Variants in AGPS observed in about 807,000 individuals in gnomAD.
AGPS encodes the protein alkyldihydroxyacetonephosphate synthase, peroxisomal.
AGPS carries 26 observed loss-of-function variants against 90.7 expected under a neutral mutation model. That is an observed-to-expected ratio of 0.29 (90% CI 0.21 to 0.40). AGPS has a LOEUF of 0.40. Ranked by LOEUF, AGPS falls within the 10% of genes least tolerant of loss-of-function variation. The pLI, the probability that AGPS is intolerant of heterozygous loss-of-function variation, is 1.00. For synonymous variants in AGPS, 294 were observed against 285.3 expected (o/e 1.03, Z -0.31); for missense variants, 540 against 816.1 (o/e 0.66, Z 4.12).
chr2:177,533,722 G>A (rs2079159414), intron 19 of AGPS, among the ~76,000 whole-genome samples: 1 of 152,110 alleles, frequency 6.6e-6, no homozygotes, highest in African/African-American at 2.4e-5. Flanking sequence ...GGAAGAGGTT[G>A]GTTGTCCCCT....
chr2:177,535,581 A>G (rs892223876), intron 19 of AGPS, among the ~76,000 whole-genome samples: 7 of 152,162 alleles, frequency 4.6e-5, no homozygotes, highest in Non-Finnish European at 1.0e-4. Context: ...TTGTTGTTTT[A>G]TTGATCCATG....
At chr2:177,494,133 C>G (rs1382813477) in intron 12 of AGPS, among the ~76,000 whole-genome samples, 1 of 152,126 alleles carries the variant, frequency 6.6e-6, no homozygotes, top group African/African-American at 2.4e-5. Context: ...TTCCTAAAAT[C>G]ATGAGAGTGA....
intron 8 of AGPS, among the ~76,000 whole-genome samples, chr2:177,459,772 C>G (rs1055929128): frequency 2.0e-5 from 3 of 152,172 alleles, no homozygotes; most frequent in African/African-American, 2.4e-5. Context: ...TCTCAAGGAT[C>G]TAGAACTAGA....
chr2:177,409,608 TG>T (rs1243781731), intron 1 of AGPS, among the ~76,000 whole-genome samples: 1 of 152,046 alleles, frequency 6.6e-6, no homozygotes, highest in Non-Finnish European at 1.5e-5. Context: ...CAAGTGCTGT[TG>T]GGGAGGTTGG....
At chr2:177,501,380 T>G (rs997887162) in intron 14 of AGPS, among the ~76,000 whole-genome samples, 1 of 152,188 alleles carries the variant, frequency 6.6e-6, no homozygotes, top group Admixed American at 6.5e-5. Context: ...TCACATTTCC[T>G]GTTAGAATGG....
chr2:177,516,498 A>G (rs977252204), intron 17 of AGPS, among the ~76,000 whole-genome samples: 11 of 152,166 alleles, frequency 7.2e-5, no homozygotes, highest in Non-Finnish European at 1.6e-4. Flanking sequence ...GAGTTGATCT[A>G]TTGTAAAAGG....
At chr2:177,499,520 T>A (rs1463929442) in intron 13 of AGPS, 98 bp from the exon 14 acceptor site, 9 of 761,196 alleles carry the variant, frequency 1.2e-5, no homozygotes, top group East Asian at 5.5e-5. Context: ...ATCAGTGTAT[T>A]TGAGCCCAGA....
chr2:177,492,456 C>T (rs1165264695), intron 11 of AGPS, among the ~76,000 whole-genome samples: 1 of 152,082 alleles, frequency 6.6e-6, no homozygotes, highest in Non-Finnish European at 1.5e-5. Flanking sequence ...AAACTGGTAA[C>T]GTTTTTAGAA....
intron 1 of AGPS, 32 bp downstream of exon 1, chr2:177,393,081 CGAGGGACCAGGCCGGGCCTGTGCTGCAG>C: frequency 3.2e-6 from 5 of 1,550,220 alleles, no homozygotes; most frequent in Non-Finnish European, 4.4e-6. Flanking sequence ...GAGTTAGCGT[CGAGGGACCAGGCCGGGCCTGTGCTGCAG>C]GAGGGCACAG....
chr2:177,416,729 C>G (rs1685797184), intron 1 of AGPS, among the ~76,000 whole-genome samples: 1 of 151,896 alleles, frequency 6.6e-6, no homozygotes, highest in South Asian at 2.1e-4. Flanking sequence ...TGGGGTTTCA[C>G]TATATTAGCC....
intron 8 of AGPS, among the ~76,000 whole-genome samples, chr2:177,451,878 T>A (rs550100021): frequency 1.3e-5 from 2 of 152,336 alleles, no homozygotes; most frequent in South Asian, 4.1e-4. Flanking sequence ...AATTTTGATA[T>A]GTTTATTTTC....
In AGPS at chr2:177,429,378, G is replaced by A. The variant is rs187340007; in HGVS notation, c.351-4949G>A. 1.4e-4 allele frequency among the ~76,000 whole-genome samples: 21 copies of A among 152,300 alleles called. No individual in the cohort carries two copies. The East Asian group carries it at 4.1e-3, about 29-fold the overall frequency. Reference sequence around the variant, plus strand: ...TGGAGAGGTATTGTGGTCATTTGGAGGAGAAGAGGCCCTCTGGCTTTTTGA... The same window carrying A: ...TGGAGAGGTATTGTGGTCATTTGGAAGAGAAGAGGCCCTCTGGCTTTTTGA... On this transcript the variant is annotated intron_variant, in intron 2 of 19. Transcript: ENST00000264167.
chr2:177,487,061 AGATATAAC>A (rs1463784203), intron 11 of AGPS, among the ~76,000 whole-genome samples: 1 of 152,168 alleles, frequency 6.6e-6, no homozygotes, highest in African/African-American at 2.4e-5. Context: ...TATCAGTGTT[AGATATAAC>A]GTGTTATTAT....
chr2:177,398,880 C>T (rs781284208), intron 1 of AGPS, among the ~76,000 whole-genome samples: 1 of 152,114 alleles, frequency 6.6e-6, no homozygotes, highest in Non-Finnish European at 1.5e-5. Context: ...GTGGAAGACC[C>T]AAGATCAGAG....
At chr2:177,456,757 C>A (rs1030163423) in intron 8 of AGPS, among the ~76,000 whole-genome samples, 2 of 151,904 alleles carry the variant, frequency 1.3e-5, no homozygotes, top group African/African-American at 4.8e-5. Flanking sequence ...AGTGTAACAC[C>A]GCACTGTTAA....
intron 1 of AGPS, among the ~76,000 whole-genome samples, chr2:177,418,291 T>C (rs551697773): frequency 6.6e-6 from 1 of 152,262 alleles, no homozygotes; most frequent in South Asian, 2.1e-4. Flanking sequence ...AGATCTTTCC[T>C]GCTATCTTGA....
At chr2:177,486,947 T>G (rs1229570412) in intron 11 of AGPS, among the ~76,000 whole-genome samples, 2 of 151,900 alleles carry the variant, frequency 1.3e-5, no homozygotes, top group Non-Finnish European at 2.9e-5. Flanking sequence ...TATAATCTCC[T>G]CCTTTATTCA....
chr2:177,526,968 A>G (rs2079093823), intron 19 of AGPS, among the ~76,000 whole-genome samples: 1 of 152,200 alleles, frequency 6.6e-6, no homozygotes, highest in Non-Finnish European at 1.5e-5. Context: ...AACTGGCCCA[A>G]AAATCAGTAA....
At position 177,445,557 on chromosome 2, in the gene AGPS, C is replaced by T. The variant is rs766587755; in HGVS notation, c.801C>T (p.Leu267=). The part of the protein sequence containing the change: ...SLDTSQMNRI[L]WVDENNLTAH... Reference sequence around the variant, plus strand: ...TTCCTTTGCAACAGAATCGAATTCTCTGGGTTGATGAGAACAATTTGACAG... The same window carrying T: ...TTCCTTTGCAACAGAATCGAATTCTTTGGGTTGATGAGAACAATTTGACAG... Residue 267 remains leucine (L), a synonymous_variant, in exon 8 of 20, where the codon CTC becomes CTT. Transcript: ENST00000264167. 6.2e-6 allele frequency: 10 copies of T among 1,613,698 alleles called. No homozygotes were observed. The South Asian group carries it at 9.9e-5, about 16-fold the overall frequency.
Sources: gnomAD v4.1 joint callset for allele counts (sites outside exome capture counted in the v4.1 genomes callset) on GRCh38, gnomAD v4.1.1 for gene constraint, MANE v1.5 for transcripts, NCBI Gene and HGNC (gene_info 2026-07-23, HGNC 2026-07-21) for gene names.